TIAM1: variants seen among roughly 807,000 people sequenced by gnomAD.
TIAM1 encodes the protein rho guanine nucleotide exchange factor TIAM1.
In TIAM1, 65 loss-of-function variants were observed where a neutral mutation model predicts 163.5. That is an observed-to-expected ratio of 0.40 (90% CI 0.33 to 0.49). The LOEUF (loss-of-function observed/expected upper bound fraction) is 0.49. TIAM1 is among the 20% of genes least tolerant of loss of function. The probability of loss-of-function intolerance (pLI) is 0.77; values close to 1 mark genes in which losing one functional copy is unlikely to be tolerated. For synonymous variants in TIAM1, 833 were observed against 810.1 expected (o/e 1.03, Z -0.48); for missense variants, 1,789 against 2,044.7 (o/e 0.87, Z 2.41).
intron 2 of TIAM1, among the ~76,000 whole-genome samples, chr21:31,386,988 A>G (rs1269057884): frequency 2.0e-5 from 3 of 151,944 alleles, no homozygotes; most frequent in Non-Finnish European, 4.4e-5. Context: ...CTGGGCACCC[A>G]TGGCCTGGCA....
intron 1 of TIAM1, among the ~76,000 whole-genome samples, chr21:31,533,879 A>G (rs1198202933): frequency 2.6e-5 from 4 of 152,256 alleles, no homozygotes. Context: ...GTACAGCTAC[A>G]GACCCTCTGA....
intron 2 of TIAM1, among the ~76,000 whole-genome samples, chr21:31,459,479 T>G (rs2045242549): frequency 6.6e-6 from 1 of 152,074 alleles, no homozygotes. Flanking sequence ...AAGAGAAATA[T>G]CTGCCATTGA....
chr21:31,454,936 C>T (rs1602320969), intron 2 of TIAM1, among the ~76,000 whole-genome samples: 1 of 152,024 alleles, frequency 6.6e-6, no homozygotes. Context: ...AAAGAAACCA[C>T]GACTCCTTAG....
At chr21:31,158,437 GA>G (rs2083736426) in intron 16 of TIAM1, among the ~76,000 whole-genome samples, 1 of 152,092 alleles carries the variant, frequency 6.6e-6, no homozygotes, top group South Asian at 2.1e-4. Flanking sequence ...CCTACTCAAT[GA>G]ATCAAGGCAC....
At chr21:31,228,218 TTTAAAAAAAAAAAAAAAAAA>T (rs2088116781) in intron 6 of TIAM1, among the ~76,000 whole-genome samples, 1 of 19,040 alleles carries the variant, frequency 5.3e-5, no homozygotes, top group Non-Finnish European at 1.1e-4. Flanking sequence ...GCCTCCTTTT[TTTAAAAAAAAAAAAAAAAAA>T]AAAAAAAAAA....
Position 31,210,685 on chromosome 21 carries a change from A to G in TIAM1, c.2218-470T>C, listed in dbSNP as rs1001216125. 2.9e-3 allele frequency among the ~76,000 whole-genome samples: 124 copies of G among 42,586 alleles called. 16 individuals are homozygous for G. Among genetic ancestry groups the G allele is most frequent in the African/African-American group, 0.011 (78 of 6,848 alleles). The allele number at this position is 42,586 out of a possible 152,430, so 27.9% of individuals were successfully genotyped here. A position where few individuals can be genotyped will look rare whatever the true frequency, so the allele number is the denominator to read the frequency against. On this transcript the variant is annotated intron_variant, in intron 10 of 27. Coordinates refer to ENST00000541036, the MANE Select transcript of TIAM1 (RefSeq NM_001353694.2). ...AGAAAGAAAAAGAAAGAAAGAAAGA[A>G]AAAGAAAGAAAGAAAGAAAGAGAAA...
intron 1 of TIAM1, among the ~76,000 whole-genome samples, chr21:31,482,775 C>T (rs963308148): frequency 4.6e-5 from 7 of 152,256 alleles, no homozygotes; most frequent in Non-Finnish European, 7.4e-5. Context: ...AGAAGCACCC[C>T]TAGTCAAGGC....
At chr21:31,386,663 C>A (rs564861907) in intron 2 of TIAM1, among the ~76,000 whole-genome samples, 1 of 152,216 alleles carries the variant, frequency 6.6e-6, no homozygotes, top group African/African-American at 2.4e-5. Flanking sequence ...CATCCTTGTG[C>A]CTGTGCAAGT....
At chr21:31,172,197 G>A (rs1048090958) in intron 15 of TIAM1, among the ~76,000 whole-genome samples, 1 of 152,196 alleles carries the variant, frequency 6.6e-6, no homozygotes, top group African/African-American at 2.4e-5. Context: ...ATGGCAGGAA[G>A]AGGGAATTCA....
chr21:31,227,989 G>A (rs748553666), intron 6 of TIAM1, among the ~76,000 whole-genome samples: 6 of 151,650 alleles, frequency 4.0e-5, no homozygotes, highest in South Asian at 4.2e-4. Context: ...TGCAACCTCC[G>A]CCTCCCGAGT....
chr21:31,233,584 A>T (rs1478565609), intron 6 of TIAM1, among the ~76,000 whole-genome samples: 1 of 152,210 alleles, frequency 6.6e-6, no homozygotes, highest in Non-Finnish European at 1.5e-5. Flanking sequence ...GCATGCCTGT[A>T]AACTAAGCTA....
chr21:31,210,727 AAGAGAAAG>A (rs1569033879), intron 10 of TIAM1, among the ~76,000 whole-genome samples: 19 of 109,360 alleles, frequency 1.7e-4, no homozygotes, highest in African/African-American at 8.3e-4. Flanking sequence ...GAAAGAAAGA[AAGAGAAAG>A]AAGGAAGGAA....
At chr21:31,365,217 G>T (rs544715176) in intron 2 of TIAM1, among the ~76,000 whole-genome samples, 1 of 152,042 alleles carries the variant, frequency 6.6e-6, no homozygotes, top group Admixed American at 6.6e-5. Flanking sequence ...CTCCCCAGCA[G>T]ATCCTGGGAA....
chr21:31,471,642 G>A (rs886576966), intron 1 of TIAM1, among the ~76,000 whole-genome samples: 3 of 152,018 alleles, frequency 2.0e-5, no homozygotes, highest in African/African-American at 7.2e-5. Flanking sequence ...GGCTGAGACG[G>A]GTGGATCACC....
intron 3 of TIAM1, among the ~76,000 whole-genome samples, chr21:31,272,121 A>G (rs574259815): frequency 1.1e-4 from 17 of 152,214 alleles, no homozygotes; most frequent in Non-Finnish European, 2.1e-4. Context: ...CAGAACACTT[A>G]CATTAGCCTA....
At chr21:31,358,775 C>G (rs569222965) in intron 2 of TIAM1, among the ~76,000 whole-genome samples, 1 of 152,316 alleles carries the variant, frequency 6.6e-6, no homozygotes, top group South Asian at 2.1e-4. Flanking sequence ...CCTGTTTCCA[C>G]TCTTGTCCTT....
intron 2 of TIAM1, among the ~76,000 whole-genome samples, chr21:31,431,130 T>G (rs1260704010): frequency 6.6e-6 from 1 of 152,206 alleles, no homozygotes; most frequent in Non-Finnish European, 1.5e-5. Context: ...CTTCTCCCCC[T>G]TATCCACTGG....
At chr21:31,269,537 C>T (rs1455957837) in intron 3 of TIAM1, among the ~76,000 whole-genome samples, 3 of 152,142 alleles carry the variant, frequency 2.0e-5, no homozygotes, top group East Asian at 3.9e-4. Context: ...GTGGGATCAG[C>T]GGAGGACTCT....
At chr21:31,181,809 A>AT in intron 15 of TIAM1, among the ~76,000 whole-genome samples, 1 of 66,912 alleles carries the variant, frequency 1.5e-5, no homozygotes. Flanking sequence ...TTTTTTTACG[A>AT]GACAGGCCTC....
Sources: gnomAD v4.1 joint callset for allele counts (sites outside exome capture counted in the v4.1 genomes callset) on GRCh38, gnomAD v4.1.1 for gene constraint, MANE v1.5 for transcripts, NCBI Gene and HGNC (gene_info 2026-07-23, HGNC 2026-07-21) for gene names.